Variants in MAN1A1 observed in about 807,000 individuals in gnomAD.
The protein encoded by MAN1A1 is mannosidase alpha class 1A member 1, also known as mannosyl-oligosaccharide 1,2-alpha-mannosidase IA.
MAN1A1 carries 29 observed loss-of-function variants against 70.8 expected under a neutral mutation model. The ratio of observed to expected loss-of-function variants is 0.41; its 90% CI spans 0.31 to 0.56. MAN1A1 has a LOEUF of 0.56. Among genes scored for constraint, MAN1A1 ranks in the 20% least tolerant of loss-of-function variants. The probability of loss-of-function intolerance (pLI) is 0.29; values close to 1 mark genes in which losing one functional copy is unlikely to be tolerated. For synonymous variants in MAN1A1, 349 were observed against 330.1 expected (o/e 1.06, Z -0.62); for missense variants, 747 against 841.3 (o/e 0.89, Z 1.39).
At chr6:119,186,280 G>A (rs962150375) in intron 11 of MAN1A1, among the ~76,000 whole-genome samples, 29 of 152,214 alleles carry the variant, frequency 1.9e-4, no homozygotes, top group African/African-American at 6.0e-4. Flanking sequence ...GTCTTTAAGC[G>A]GAAAGCTGGA....
chr6:119,243,099 A>T (rs561121247), intron 6 of MAN1A1, among the ~76,000 whole-genome samples: 3 of 152,078 alleles, frequency 2.0e-5, no homozygotes, highest in African/African-American at 4.8e-5. Flanking sequence ...TAGATCCATA[A>T]AGTATATAAA....
intron 11 of MAN1A1, among the ~76,000 whole-genome samples, chr6:119,181,335 C>G (rs1773148962): frequency 2.0e-5 from 3 of 152,056 alleles, no homozygotes; most frequent in South Asian, 4.2e-4. Flanking sequence ...ATCAGAGTAT[C>G]TGAGTTTCTG....
chr6:119,192,731 T>C (rs930811308), intron 9 of MAN1A1, among the ~76,000 whole-genome samples: 5 of 152,106 alleles, frequency 3.3e-5, no homozygotes, highest in Admixed American at 3.3e-4. Context: ...GATAATAATA[T>C]TAAAAGAATA....
In MAN1A1 at chr6:119,177,231, AAT is replaced by A. The variant is rs988677071; in HGVS notation, c.*2586_*2587del. ...AGATATATTAAAAGACTTTATTCAC[AAT>A]AGAGAAATTTTACAAATATAATTTT... On this transcript the variant is annotated 3_prime_UTR_variant, in exon 13 of 13. Transcript: ENST00000368468. The A allele has an allele frequency of 6.6e-6, 1 of 152,160 alleles. No homozygotes were observed. The highest frequency in any genetic ancestry group is 2.4e-5 in the African/African-American group (1 of 41,462). 9.4% of individuals were successfully genotyped at this position (152,160 alleles called of 1,614,324 possible). A position where few individuals can be genotyped will look rare whatever the true frequency, so the allele number is the denominator to read the frequency against.
chr6:119,272,980 T>C (rs1490555670), intron 5 of MAN1A1, among the ~76,000 whole-genome samples: 3 of 152,112 alleles, frequency 2.0e-5, no homozygotes, highest in Admixed American at 6.5e-5. Context: ...AAATTGACTA[T>C]AAAGAAGGAA....
chr6:119,220,522 A>G (rs1337933364), intron 6 of MAN1A1, among the ~76,000 whole-genome samples: 1 of 152,216 alleles, frequency 6.6e-6, no homozygotes, highest in Non-Finnish European at 1.5e-5. Flanking sequence ...CACATTAAAA[A>G]AATAAACAGG....
intron 5 of MAN1A1, among the ~76,000 whole-genome samples, chr6:119,287,371 T>C (rs1776404416): frequency 6.6e-6 from 1 of 152,138 alleles, no homozygotes; most frequent in Non-Finnish European, 1.5e-5. Flanking sequence ...TAATGTTACA[T>C]GGTATAGTCA....
chr6:119,328,336 T>G (rs1193209165), intron 2 of MAN1A1, among the ~76,000 whole-genome samples: 1 of 152,186 alleles, frequency 6.6e-6, no homozygotes, highest in Non-Finnish European at 1.5e-5. Context: ...GTGCATCCGC[T>G]CACTTGCTGG....
At chr6:119,190,832 A>T (rs988975935) in intron 9 of MAN1A1, among the ~76,000 whole-genome samples, 1 of 152,248 alleles carries the variant, frequency 6.6e-6, no homozygotes, top group African/African-American at 2.4e-5. Flanking sequence ...AAGCAAAAAT[A>T]AAGTGTGTTT....
At chr6:119,219,048 TTA>T (rs1051991277) in intron 6 of MAN1A1, among the ~76,000 whole-genome samples, 2 of 152,176 alleles carry the variant, frequency 1.3e-5, no homozygotes, top group Admixed American at 6.5e-5. Context: ...ACTGGTTTGG[TTA>T]TATGTCATTT....
chr6:119,205,132 A>G (rs993156168), intron 6 of MAN1A1, among the ~76,000 whole-genome samples: 9 of 152,352 alleles, frequency 5.9e-5, no homozygotes, highest in African/African-American at 2.2e-4. Flanking sequence ...TGGTGAACAC[A>G]CAAATCTTTT....
At chr6:119,188,654 A>G in intron 10 of MAN1A1, 77 bp from the exon 11 acceptor site, 3 of 1,297,292 alleles carry the variant, frequency 2.3e-6, no homozygotes, top group Non-Finnish European at 3.2e-6. Flanking sequence ...ATGAAACTAG[A>G]AAGTACAGTC....
At chr6:119,225,046 G>GA (rs1774468039) in intron 6 of MAN1A1, among the ~76,000 whole-genome samples, 1 of 152,050 alleles carries the variant, frequency 6.6e-6, no homozygotes, top group African/African-American at 2.4e-5. Flanking sequence ...AGAACTGCTT[G>GA]AACCCGGGAG....
chr6:119,321,776 C>T (rs1236439029), intron 2 of MAN1A1, among the ~76,000 whole-genome samples: 3 of 151,972 alleles, frequency 2.0e-5, no homozygotes, highest in East Asian at 1.9e-4. Context: ...TACCACCATG[C>T]CTCGCTAATT....
chr6:119,210,822 G>C (rs1774029292), intron 6 of MAN1A1: 2 of 435,076 alleles, frequency 4.6e-6, no homozygotes, highest in African/African-American at 2.0e-5. Flanking sequence ...ATGTGTATTA[G>C]AGACATAAAC....
chr6:119,189,634 G>T, intron 10 of MAN1A1, 30 bp downstream of exon 10: 1 of 1,598,338 alleles, frequency 6.3e-7, no homozygotes, highest in South Asian at 1.1e-5. Context: ...TGTGGGAATA[G>T]ACCATAAATG....
At chr6:119,287,508 T>C (rs940361056) in intron 5 of MAN1A1, among the ~76,000 whole-genome samples, 3 of 152,126 alleles carry the variant, frequency 2.0e-5, no homozygotes, top group Admixed American at 2.0e-4. Context: ...AAATTTGTTC[T>C]GAAAAATAAT....
intron 11 of MAN1A1, among the ~76,000 whole-genome samples, 179 bp downstream of exon 11, chr6:119,188,226 G>T (rs772173498): frequency 2.0e-5 from 3 of 152,138 alleles, no homozygotes; most frequent in African/African-American, 7.2e-5. Context: ...GTTATACAAA[G>T]CAAAGCTGAA....
intron 2 of MAN1A1, among the ~76,000 whole-genome samples, chr6:119,314,836 C>T (rs1415801872): frequency 2.0e-5 from 3 of 152,152 alleles, no homozygotes; most frequent in Admixed American, 6.5e-5. Flanking sequence ...CTTCCTCCTC[C>T]TCCACTTCGG....
Sources: allele counts gnomAD v4.1 joint callset (sites outside exome capture counted in the v4.1 genomes callset), GRCh38; gene constraint gnomAD v4.1.1; transcripts MANE v1.5; gene names NCBI Gene and HGNC (gene_info 2026-07-23, HGNC 2026-07-21).